Variants in PARP4 observed in about 807,000 individuals in gnomAD.
The protein encoded by PARP4 is poly(ADP-ribose) polymerase family member 4.
In PARP4, 120 loss-of-function variants were observed where a neutral mutation model predicts 187.7. That is an observed-to-expected ratio of 0.64 (90% CI 0.55 to 0.74). The LOEUF is 0.74. Ranked by LOEUF, PARP4 falls within the 30% of genes least tolerant of loss-of-function variation. PARP4 has a pLI of 0.00. For missense variants in PARP4, 1,836 were observed against 2,070.5 expected (o/e 0.89, Z 2.20); for synonymous variants, 654 against 740.9 (o/e 0.88, Z 1.90).
intron 32 of PARP4, among the ~76,000 whole-genome samples, chr13:24,428,007 A>G (rs1433833918): frequency 6.6e-6 from 1 of 152,182 alleles, no homozygotes; most frequent in African/African-American, 2.4e-5. Flanking sequence ...TCAGAAGGAG[A>G]GGGGATGATA....
At chr13:24,462,342 G>C (rs549544964) in intron 17 of PARP4, among the ~76,000 whole-genome samples, 1 of 152,174 alleles carries the variant, frequency 6.6e-6, no homozygotes, top group Non-Finnish European at 1.5e-5. Context: ...GGAGGAATTT[G>C]AGACGGAGAG....
chr13:24,462,703 A>G (rs1293999013), intron 17 of PARP4, among the ~76,000 whole-genome samples: 1 of 152,182 alleles, frequency 6.6e-6, no homozygotes. Flanking sequence ...CATTAGAGAG[A>G]CTGAATTATA....
Position 24,454,961 on chromosome 13 carries a change from A to G in PARP4, c.2758+56T>C, listed in dbSNP as rs569376250. On this transcript the variant is annotated intron_variant, in intron 22 of 33. Coordinates refer to ENST00000381989, the MANE Select transcript of PARP4 (RefSeq NM_006437.4). Reference sequence around the variant, plus strand: ...GTACCCACAGTTGTCAGCTCTACAGAATGTGATTCACATGTAGGGGAAGCA... The same window carrying G: ...GTACCCACAGTTGTCAGCTCTACAGGATGTGATTCACATGTAGGGGAAGCA... The G allele has an allele frequency of 8.6e-6, 12 of 1,396,454 alleles. No individual in the cohort carries two copies. The African/African-American group carries it at 1.7e-4, about 20-fold the overall frequency. The allele number at this position is 1,396,454 out of a possible 1,614,324, so 86.5% of individuals were successfully genotyped here.
At chr13:24,427,071 CTG>C (rs1870098101) in intron 32 of PARP4, among the ~76,000 whole-genome samples, 1 of 152,082 alleles carries the variant, frequency 6.6e-6, no homozygotes, top group Non-Finnish European at 1.5e-5. Flanking sequence ...GGAAACTGAA[CTG>C]TATCCAGAGT....
intron 20 of PARP4, among the ~76,000 whole-genome samples, chr13:24,457,770 C>CAAAAAAAAAAAAAAAAAAAAAAAAAA (rs33930012): frequency 3.5e-5 from 3 of 85,666 alleles, no homozygotes; most frequent in African/African-American, 5.0e-5. Flanking sequence ...GACTCTGTCT[C>CAAAAAAAAAAAAAAAAAAAAAAAAAA]AAAAAAAAAA....
chr13:24,474,180 G>C (rs1246264286), intron 15 of PARP4, among the ~76,000 whole-genome samples: 3 of 152,172 alleles, frequency 2.0e-5, no homozygotes, highest in Non-Finnish European at 4.4e-5. Context: ...CTGGGCCGCT[G>C]TCTTTCTCTT....
Position 24,435,037 on chromosome 13 carries a change from A to T in PARP4, c.4104T>A (p.Pro1368=). 1 of 1,614,068 alleles carries T rather than the reference A, an allele frequency of 6.2e-7. No homozygotes were observed. Among genetic ancestry groups the T allele is most frequent in the Non-Finnish European group, 8.5e-7 (1 of 1,180,032 alleles). ...QFDASQFSQG[P]VPGTCADWIP... ...TCCAGTCAGCACAAGTGCCAGGCAC[A>T]GGGCCTTGGCTGAATTGAGATGCAT... The change falls in exon 31 of 34, where the codon CCT becomes CCA. Residue 1368 remains proline, a synonymous_variant. Transcript: ENST00000381989.
At chr13:24,437,929 G>A (rs901287645) in intron 30 of PARP4, among the ~76,000 whole-genome samples, 5 of 150,364 alleles carry the variant, frequency 3.3e-5, no homozygotes, top group African/African-American at 1.2e-4. Context: ...TAGTATTTTT[G>A]TATTTTTTAG....
intron 14 of PARP4, among the ~76,000 whole-genome samples, chr13:24,477,036 C>T (rs1431070092): frequency 6.6e-6 from 1 of 152,230 alleles, no homozygotes; most frequent in East Asian, 1.9e-4. Flanking sequence ...GCTCTCCCCA[C>T]CCCATTACAC....
intron 12 of PARP4, among the ~76,000 whole-genome samples, chr13:24,482,666 T>TA (rs1566012724): frequency 6.8e-6 from 1 of 148,120 alleles, no homozygotes; most frequent in African/African-American, 2.5e-5. Flanking sequence ...GTTTTTTTTT[T>TA]AAACACAATG....
At chr13:24,475,354 G>A in intron 15 of PARP4, 118 bp downstream of exon 15, 3 of 1,021,480 alleles carry the variant, frequency 2.9e-6, no homozygotes, top group Non-Finnish European at 4.4e-6. Context: ...AATATCTCTT[G>A]AATAAAATAC....
At position 24,503,529 on chromosome 13, in the gene PARP4, C is replaced by T. The variant is rs1040090595; in HGVS notation, c.132+116G>A. 3.3e-5 allele frequency: 41 copies of T among 1,248,304 alleles called. 1 individual carries two copies. The highest frequency in any genetic ancestry group is 2.9e-4 in the South Asian group (22 of 75,204). 77.3% of individuals were successfully genotyped at this position (1,248,304 alleles called of 1,614,324 possible). ...CATGTCAGTCTCTCCTGATGAACTT[C>T]GAGTAGCTCACTCACTCTCTCCTGC... On this transcript the variant is annotated intron_variant, in intron 2 of 33. Transcript: ENST00000381989.
chr13:24,450,792 C>T lies in PARP4; in HGVS notation c.3015-975G>A, dbSNP rs568155374. ...GGATACCACCCCCTCCAGGCATGGG[C>T]GGTGCTAACTGGCAGAGTCTCCTCT... On this transcript the variant is annotated intron_variant, in intron 24 of 33. Coordinates refer to ENST00000381989, the MANE Select transcript of PARP4 (RefSeq NM_006437.4). 7.9e-5 allele frequency among the ~76,000 whole-genome samples: 12 copies of T among 152,334 alleles called. 1 individual carries two copies. The South Asian group carries it at 2.5e-3, about 32-fold the overall frequency.
intron 10 of PARP4, among the ~76,000 whole-genome samples, chr13:24,490,461 C>T (rs764069838): frequency 1.3e-5 from 2 of 152,170 alleles, no homozygotes; most frequent in East Asian, 1.9e-4. Flanking sequence ...ACCTTGAAAT[C>T]GGAGTGGAAT....
At position 24,490,837 on chromosome 13, in the gene PARP4, G is replaced by T; in HGVS notation, c.1054-9C>A. ...ACCATGTCTCTTATTAGCTGTAGGT[G>T]GAAATAATACACAGATGTCAGAATC... On this transcript the variant is annotated splice_polypyrimidine_tract_variant and intron_variant, in intron 9 of 33. Transcript: ENST00000381989. 1 of 1,608,040 alleles carries T rather than the reference G, an allele frequency of 6.2e-7. No individual in the cohort carries two copies. The highest frequency in any genetic ancestry group is 1.1e-5 in the South Asian group (1 of 90,314).
chr13:24,451,070 CACATGGGAAA>C (rs1225117318), intron 24 of PARP4, among the ~76,000 whole-genome samples: 1 of 152,144 alleles, frequency 6.6e-6, no homozygotes, highest in African/African-American at 2.4e-5. Context: ...TCCTCCCTGG[CACATGGGAAA>C]ATCCCATCTC....
At position 24,459,102 on chromosome 13, in the gene PARP4, A is replaced by G. The variant is rs1263383334; in HGVS notation, c.2366T>C (p.Ile789Thr). ...GAATTCAATCACATACGGCATCTCA[A>G]TAGACATAGTCAAAGAGAAGCTAGC... ...TKQSFSLTMS[I>T]EMPYVIEFIF... Residue 789 changes from isoleucine (I) to threonine (T), a missense_variant, in exon 20 of 34, where the codon ATT becomes ACT. Coordinates refer to ENST00000381989, the MANE Select transcript of PARP4 (RefSeq NM_006437.4). 1.2e-6 allele frequency: 2 copies of G among 1,609,508 alleles called. No homozygotes were observed. The highest frequency in any genetic ancestry group is 1.7e-5 in the Admixed American group (1 of 59,628).
intron 2 of PARP4, 57 bp from the exon 3 acceptor site, chr13:24,501,891 A>G (rs1869314594): frequency 5.9e-6 from 6 of 1,024,450 alleles, no homozygotes; most frequent in Non-Finnish European, 7.5e-6. Context: ...TTTAAATAAG[A>G]TATTTGTATC....
chr13:24,447,449 C>A (rs748784987), intron 25 of PARP4, among the ~76,000 whole-genome samples: 2 of 152,232 alleles, frequency 1.3e-5, no homozygotes, highest in African/African-American at 2.4e-5. Flanking sequence ...CAACCTCCCC[C>A]TCCCAGGTTC....
Sources: gnomAD v4.1 joint callset for allele counts (sites outside exome capture counted in the v4.1 genomes callset) on GRCh38, gnomAD v4.1.1 for gene constraint, MANE v1.5 for transcripts, NCBI Gene and HGNC (gene_info 2026-07-23, HGNC 2026-07-21) for gene names.